ROBO2: variants seen among roughly 807,000 people sequenced by gnomAD.
The protein encoded by ROBO2 is roundabout guidance receptor 2.
ROBO2 carries 53 observed loss-of-function variants against 160.8 expected under a neutral mutation model. The ratio of observed to expected loss-of-function variants is 0.33; its 90% CI spans 0.26 to 0.41. The LOEUF (loss-of-function observed/expected upper bound fraction) is 0.41, where lower values mean the gene tolerates loss of function less well. Ranked by LOEUF, ROBO2 falls within the 10% of genes least tolerant of loss-of-function variation. ROBO2 has a pLI of 1.00. For missense variants in ROBO2, 1,577 were observed against 1,722.4 expected, an observed-to-expected ratio of 0.92 and a Z score of 1.49; for synonymous variants, 664 against 611.7, an observed-to-expected ratio of 1.09 and a Z score of -1.26.
intron 2 of ROBO2, among the ~76,000 whole-genome samples, chr3:77,152,202 AC>A (rs539084896): frequency 3.3e-5 from 5 of 152,270 alleles, no homozygotes; most frequent in South Asian, 4.1e-4. Flanking sequence ...TTGCTGGTAT[AC>A]TGAGAAAATG....
At chr3:77,163,449 A>G (rs2150644720) in intron 2 of ROBO2, among the ~76,000 whole-genome samples, 1 of 152,258 alleles carries the variant, frequency 6.6e-6, no homozygotes, top group East Asian at 1.9e-4. Context: ...GAGTCCAATA[A>G]CCCAATGTCA....
intron 2 of ROBO2, among the ~76,000 whole-genome samples, chr3:77,278,492 A>G (rs959350125): frequency 6.6e-6 from 1 of 152,168 alleles, no homozygotes; most frequent in Non-Finnish European, 1.5e-5. Context: ...CAAGATGATG[A>G]TATGTGAATG....
intron 2 of ROBO2, among the ~76,000 whole-genome samples, chr3:76,867,544 C>T (rs530465642): frequency 1.8e-4 from 28 of 152,272 alleles, no homozygotes; most frequent in African/African-American, 6.7e-4. Context: ...GGACACTTTT[C>T]GTTAACACTG....
At chr3:76,833,136 G>A (rs1004907259) in intron 2 of ROBO2, among the ~76,000 whole-genome samples, 1 of 152,150 alleles carries the variant, frequency 6.6e-6, no homozygotes, top group African/African-American at 2.4e-5. Flanking sequence ...CTTACAAAAT[G>A]TGGGACTCTG....
At chr3:76,398,979 A>G (rs1461166009) in intron 2 of ROBO2, among the ~76,000 whole-genome samples, 4 of 151,784 alleles carry the variant, frequency 2.6e-5, no homozygotes, top group Non-Finnish European at 4.4e-5. Context: ...AGTTAACTAA[A>G]TTACACACAA....
intron 2 of ROBO2, among the ~76,000 whole-genome samples, chr3:77,363,732 A>G (rs2153471017): frequency 6.6e-6 from 1 of 152,296 alleles, no homozygotes; most frequent in African/African-American, 2.4e-5. Flanking sequence ...GCACAGCCCC[A>G]CTGGAATGAG....
intron 2 of ROBO2, among the ~76,000 whole-genome samples, chr3:76,969,285 A>C (rs935855955): frequency 6.6e-6 from 1 of 152,202 alleles, no homozygotes; most frequent in Non-Finnish European, 1.5e-5. Context: ...AAATTTAATG[A>C]CTAATTGAAA....
intron 2 of ROBO2, among the ~76,000 whole-genome samples, chr3:77,332,690 A>C (rs1185981000): frequency 6.6e-6 from 1 of 152,226 alleles, no homozygotes; most frequent in Non-Finnish European, 1.5e-5. Context: ...TTGTGTAATT[A>C]GGCATTAATT....
chr3:77,538,726 A>C (rs1046264029), intron 6 of ROBO2: 11 of 298,412 alleles, frequency 3.7e-5, no homozygotes, highest in African/African-American at 2.4e-4. Flanking sequence ...GTAAAAATTA[A>C]ATAAAATTAA....
chr3:76,434,244 G>C lies in ROBO2; in HGVS notation c.109+496642G>C, dbSNP rs926194254. The C allele has an allele frequency of 4.0e-6, 4 of 1,011,794 alleles. No individual in the cohort carries two copies. In the African/African-American group the frequency reaches 6.3e-5, roughly 16 times the overall value. 62.7% of individuals were successfully genotyped at this position (1,011,794 alleles called of 1,614,324 possible). On this transcript the variant is annotated intron_variant, in intron 2 of 26. Transcript: ENST00000487694. ...GATGGTCCACACAGGTTTGACGTTG[G>C]AGCGAGCGCTGTTGGTTACAGATTC...
intron 2 of ROBO2, among the ~76,000 whole-genome samples, chr3:76,563,682 G>C (rs1482735847): frequency 1.3e-5 from 2 of 152,104 alleles, no homozygotes; most frequent in Admixed American, 6.6e-5. Context: ...TATGTTGACT[G>C]TAGATTAACT....
chr3:76,357,391 G>A (rs2075239028), intron 2 of ROBO2, among the ~76,000 whole-genome samples: 1 of 151,918 alleles, frequency 6.6e-6, no homozygotes, highest in Non-Finnish European at 1.5e-5. Context: ...ACTGGAACAT[G>A]CAACAATATC....
chr3:77,596,079 C>T (rs2094296275), intron 18 of ROBO2, among the ~76,000 whole-genome samples: 1 of 152,108 alleles, frequency 6.6e-6, no homozygotes, highest in South Asian at 2.1e-4. Context: ...CCTTAATATA[C>T]CCCTGATATT....
At chr3:76,125,046 A>G (rs112354131) in intron 2 of ROBO2, among the ~76,000 whole-genome samples, 15 of 152,018 alleles carry the variant, frequency 9.9e-5, no homozygotes, top group Admixed American at 3.3e-4. Context: ...TTGTGTTTAT[A>G]TTCACGTGTG....
At chr3:76,943,427 C>T (rs781274135) in intron 2 of ROBO2, among the ~76,000 whole-genome samples, 1 of 152,198 alleles carries the variant, frequency 6.6e-6, no homozygotes, top group Non-Finnish European at 1.5e-5. Flanking sequence ...GTATTTCAGC[C>T]TGCCTTTAAT....
Position 77,399,668 on chromosome 3 carries a change from A to G in ROBO2, c.389-77746A>G, listed in dbSNP as rs551366267. On this transcript the variant is annotated intron_variant, in intron 2 of 25. Coordinates refer to ENST00000461745, the Ensembl canonical transcript of ROBO2. ...ATGATAAGGACTTATATAGTACTTA[A>G]TGGTAATAGATATAGAGTTCGTGCA... is the stretch of plus-strand genomic sequence containing the variant. Among the ~76,000 whole-genome samples, 4 of 152,288 alleles carry G rather than the reference A, an allele frequency of 2.6e-5. No homozygotes were observed. In the East Asian group the frequency reaches 7.7e-4, roughly 29 times the overall value.
chr3:76,675,586 C>CTAGAAA, intron 2 of ROBO2, among the ~76,000 whole-genome samples: 1 of 152,276 alleles, frequency 6.6e-6, no homozygotes, highest in Non-Finnish European at 1.5e-5. Flanking sequence ...TGAAGCCTTC[C>CTAGAAA]TAGACTAGGG....
rs1157445145 is a variant in ROBO2 at position 76,475,198 on chromosome 3, G to GA, written c.109+537602dup. Among the ~76,000 whole-genome samples, 4 of 152,166 alleles carry GA rather than the reference G, an allele frequency of 2.6e-5. No homozygotes were observed. The South Asian group carries it at 8.3e-4, about 32-fold the overall frequency. The stretch of plus-strand genomic sequence containing the variant: ...CTCATAAGATGGTATTTGACCACGG[G>GA]AAAAAATAAAATAGAGAGTAAGGCA... On this transcript the variant is annotated intron_variant, in intron 2 of 26. Coordinates refer to the ROBO2 transcript ENST00000487694.
At chr3:76,360,982 G>GA (rs561782532) in intron 2 of ROBO2, among the ~76,000 whole-genome samples, 24 of 149,058 alleles carry the variant, frequency 1.6e-4, no homozygotes, top group African/African-American at 2.9e-4. Flanking sequence ...TTTATTAGGA[G>GA]AAAAAAAAAA....
Sources: allele counts gnomAD v4.1 joint callset (sites outside exome capture counted in the v4.1 genomes callset), GRCh38; gene constraint gnomAD v4.1.1; transcripts MANE v1.5; gene names NCBI Gene and HGNC (gene_info 2026-07-23, HGNC 2026-07-21).